The following PTPN2 variants were observed in gnomAD, a reference collection of about 807,000 sequenced individuals.
PTPN2 encodes protein tyrosine phosphatase non-receptor type 2, also known as tyrosine-protein phosphatase non-receptor type 2.
A neutral mutation model predicts 57.3 loss-of-function variants in PTPN2; 19 were observed. That is an observed-to-expected ratio of 0.33 (90% CI 0.23 to 0.49). The LOEUF is 0.49. Among genes scored for constraint, PTPN2 ranks in the 20% least tolerant of loss-of-function variants. The pLI is 0.99. For missense variants in PTPN2, 358 were observed against 501.1 expected, an observed-to-expected ratio of 0.71 and a Z score of 2.73; for synonymous variants, 153 against 164.9, an observed-to-expected ratio of 0.93 and a Z score of 0.55.
intron 5 of PTPN2, among the ~76,000 whole-genome samples, chr18:12,821,905 T>C (rs890605650): frequency 1.3e-5 from 2 of 152,168 alleles, no homozygotes; most frequent in Admixed American, 6.5e-5. Context: ...CACTCAGGTG[T>C]AATGTGCTTA....
intron 6 of PTPN2, among the ~76,000 whole-genome samples, chr18:12,815,085 AAAATAAATAAATAAAT>A (rs199758431): frequency 8.8e-4 from 121 of 137,202 alleles, no homozygotes; most frequent in African/African-American, 1.3e-3. Context: ...CTCCATCTCA[AAAATAAATAAATAAAT>A]AAATAAATAA....
chr18:12,797,635 T>C (rs2145231448), intron 8 of PTPN2, among the ~76,000 whole-genome samples: 1 of 152,340 alleles, frequency 6.6e-6, no homozygotes, highest in East Asian at 1.9e-4. Flanking sequence ...CGATTTGTGA[T>C]AAAATCTTTT....
intron 1 of PTPN2, 172 bp downstream of exon 1, chr18:12,883,901 A>G (rs1182117221): frequency 7.2e-5 from 34 of 471,318 alleles, no homozygotes; most frequent in Non-Finnish European, 9.4e-5. Flanking sequence ...AACCAAAAGG[A>G]GCAAGAGAGC....
intron 1 of PTPN2, among the ~76,000 whole-genome samples, chr18:12,876,024 A>C (rs2044475643): frequency 6.6e-6 from 1 of 152,172 alleles, no homozygotes; most frequent in Admixed American, 6.5e-5. Context: ...TCTGGACAAC[A>C]TGGTGAGAAC....
At chr18:12,875,606 T>C (rs1221408266) in intron 1 of PTPN2, among the ~76,000 whole-genome samples, 1 of 152,278 alleles carries the variant, frequency 6.6e-6, no homozygotes, top group East Asian at 1.9e-4. Context: ...GGGCATTAAG[T>C]TAAGGAATAG....
At chr18:12,801,917 A>AT in intron 8 of PTPN2, 53 bp downstream of exon 8, 1 of 1,473,432 alleles carries the variant, frequency 6.8e-7, no homozygotes, top group Non-Finnish European at 9.2e-7. Flanking sequence ...CATAAAATTT[A>AT]TTTTTAAAAT....
chr18:12,842,095 G>A (rs192539118), intron 2 of PTPN2, among the ~76,000 whole-genome samples: 9 of 152,158 alleles, frequency 5.9e-5, no homozygotes, highest in South Asian at 2.1e-4. Context: ...TAGCAGAGAC[G>A]GGGTTTCTCC....
chr18:12,874,052 C>A (rs1295361374), intron 1 of PTPN2, among the ~76,000 whole-genome samples: 1 of 151,610 alleles, frequency 6.6e-6, no homozygotes, highest in Admixed American at 6.6e-5. Context: ...CTCCGCCCGG[C>A]AGCCGCCCCG....
At chr18:12,814,117 A>T in intron 7 of PTPN2, 86 bp downstream of exon 7, 1 of 1,099,620 alleles carries the variant, frequency 9.1e-7, no homozygotes, top group East Asian at 2.5e-5. Context: ...CTTTGAAACA[A>T]AGACAAGGGC....
intron 7 of PTPN2, among the ~76,000 whole-genome samples, chr18:12,811,633 C>T (rs2041892743): frequency 6.6e-6 from 1 of 152,146 alleles, no homozygotes; most frequent in Non-Finnish European, 1.5e-5. Flanking sequence ...TCACTCGTGC[C>T]TATGTTCAGC....
intron 1 of PTPN2, among the ~76,000 whole-genome samples, chr18:12,873,555 G>C (rs2044350460): frequency 1.3e-5 from 2 of 152,232 alleles, no homozygotes; most frequent in Non-Finnish European, 2.9e-5. Flanking sequence ...CTCCGGAGGT[G>C]CCGGGATTGC....
chr18:12,879,838 T>C (rs1006026916), intron 1 of PTPN2, among the ~76,000 whole-genome samples: 3 of 152,168 alleles, frequency 2.0e-5, no homozygotes, highest in African/African-American at 7.2e-5. Flanking sequence ...TTTTCCCAGC[T>C]CCATGAGCAT....
chr18:12,813,253 A>C (rs1300510059), intron 7 of PTPN2, among the ~76,000 whole-genome samples: 4 of 152,194 alleles, frequency 2.6e-5, no homozygotes, highest in Non-Finnish European at 5.9e-5. Context: ...ATCTGAAATA[A>C]CTTTTACTTC....
In PTPN2 at chr18:12,793,765, A is replaced by G. The variant is rs1352612335; in HGVS notation, c.*513T>C. ...AAAGTACAGTTAACTACAAAAGATT[A>G]AATAGATACTTATAAAATATATTTA... On this transcript the variant is annotated 3_prime_UTR_variant, in exon 9 of 9. Transcript: ENST00000309660. 2.2e-6 allele frequency: 2 copies of G among 905,398 alleles called. No individual in the cohort carries two copies. The highest frequency in any genetic ancestry group is 2.6e-6 in the Non-Finnish European group (2 of 756,252). The allele number at this position is 905,398 out of a possible 1,614,324, so 56.1% of individuals were successfully genotyped here.
Position 12,830,929 on chromosome 18 carries a change from T to G in PTPN2, c.360+14A>C, listed in dbSNP as rs755494927. 1 of 1,542,862 alleles carries G rather than the reference T, an allele frequency of 6.5e-7. No individual in the cohort carries two copies. Among genetic ancestry groups the G allele is most frequent in the Non-Finnish European group, 9.0e-7 (1 of 1,117,308 alleles). ...ATACAGTATACTAAGTTGTAAATAT[T>G]AAATATTACTCACCGATTCTTTCTC... On this transcript the variant is annotated intron_variant, in intron 4 of 8. Transcript: ENST00000309660.
intron 7 of PTPN2, 54 bp downstream of exon 7, chr18:12,814,149 G>T: frequency 7.7e-7 from 1 of 1,301,120 alleles, no homozygotes; most frequent in Non-Finnish European, 1.1e-6. Context: ...GCAGTTATTT[G>T]ATGCTATGTG....
rs535397961 is a variant in PTPN2 at position 12,829,436 on chromosome 18, TGGA to T, written c.360+1504_360+1506del. Among the ~76,000 whole-genome samples, 76 of 137,212 alleles carry T rather than the reference TGGA, an allele frequency of 5.5e-4. No homozygotes were observed. The East Asian group carries it at 0.015, about 26-fold the overall frequency. The allele number at this position is 137,212 out of a possible 152,430, so 90.0% of individuals were successfully genotyped here. On this transcript the variant is annotated intron_variant, in intron 4 of 8. Coordinates refer to ENST00000309660, the MANE Select transcript of PTPN2 (RefSeq NM_002828.4). ...GGGAGAATCTCTTGAACCCGGGAAG[TGGA>T]GGCTGCAGTGAGCTGAAATCATGCC...
downstream of PTPN2, among the ~76,000 whole-genome samples, chr18:12,788,927 G>T (rs943939282): frequency 6.6e-6 from 1 of 152,148 alleles, no homozygotes; most frequent in South Asian, 2.1e-4. Flanking sequence ...TATTTTCCTA[G>T]AAGTTCTTAC....
chr18:12,871,812 G>C (rs2044276025), intron 1 of PTPN2, among the ~76,000 whole-genome samples: 1 of 152,048 alleles, frequency 6.6e-6, no homozygotes, highest in Non-Finnish European at 1.5e-5. Context: ...CCAGCTCTCT[G>C]AGAGGTGGGC....
Sources: gnomAD v4.1 joint callset for allele counts (sites outside exome capture counted in the v4.1 genomes callset) on GRCh38, gnomAD v4.1.1 for gene constraint, MANE v1.5 for transcripts, NCBI Gene and HGNC (gene_info 2026-07-23, HGNC 2026-07-21) for gene names.